PHLPP1: variants seen among roughly 807,000 people sequenced by gnomAD.
The protein encoded by PHLPP1 is PH domain and leucine rich repeat protein phosphatase 1, also known as PH domain leucine-rich repeat-containing protein phosphatase 1.
PHLPP1 carries 42 observed loss-of-function variants against 117.2 expected under a neutral mutation model. The ratio of observed to expected loss-of-function variants is 0.36; its 90% CI spans 0.28 to 0.46. The LOEUF (loss-of-function observed/expected upper bound fraction) is 0.46. Ranked by LOEUF, PHLPP1 falls within the 20% of genes least tolerant of loss-of-function variation. The pLI is 1.00. For synonymous variants in PHLPP1, 1,042 were observed against 970.7 expected, an observed-to-expected ratio of 1.07 and a Z score of -1.37; for missense variants, 2,084 against 2,241.9, an observed-to-expected ratio of 0.93 and a Z score of 1.42.
Position 62,941,816 on chromosome 18 carries a change from C to T in PHLPP1, c.3059C>T (p.Thr1020Ile), listed in dbSNP as rs74653132. Residue 1020 changes from threonine to isoleucine, a missense_variant, in exon 11 of 17, where the codon ACA becomes ATA. Transcript: ENST00000262719. ...AGTATCTTACAAGAGTTGTATTTGA[C>T]AAATAACAGCCTCACAGACAAATGT... ...TNSILQELYL[T>I]NNSLTDKCVP... The T allele has an allele frequency of 6.2e-7, 1 of 1,613,894 alleles. No individual in the cohort carries two copies. Among genetic ancestry groups the T allele is most frequent in the Admixed American group, 1.7e-5 (1 of 60,020 alleles).
At chr18:62,790,833 A>G (rs1298969374) in intron 1 of PHLPP1, among the ~76,000 whole-genome samples, 9 of 152,124 alleles carry the variant, frequency 5.9e-5, no homozygotes, top group Admixed American at 5.9e-4. Flanking sequence ...GATACAAGAG[A>G]TGCTATGATG....
intron 9 of PHLPP1, among the ~76,000 whole-genome samples, chr18:62,919,598 T>C (rs1198287493): frequency 2.6e-5 from 4 of 152,242 alleles, no homozygotes; most frequent in African/African-American, 7.2e-5. Context: ...GAATCTCTTA[T>C]GGGTAAAGCA....
chr18:62,778,308 A>G (rs967774048), intron 1 of PHLPP1, among the ~76,000 whole-genome samples: 2 of 152,234 alleles, frequency 1.3e-5, no homozygotes, highest in Non-Finnish European at 2.9e-5. Context: ...TGAAGGGCAG[A>G]CTGGGCAGCC....
chr18:62,868,942 A>G (rs1355026033), intron 4 of PHLPP1, among the ~76,000 whole-genome samples: 1 of 152,248 alleles, frequency 6.6e-6, no homozygotes, highest in Non-Finnish European at 1.5e-5. Flanking sequence ...TATTTTGAAT[A>G]TAAAAGTAAA....
chr18:62,975,364 G>T lies in PHLPP1; in HGVS notation c.3756-33G>T, dbSNP rs769169879. Reference sequence around the variant, plus strand: ...TGCAGAACTGGCACTGATGGGCTGTGTTTGAGTGTCACCCCCTCTCTTCGG... The same window carrying T: ...TGCAGAACTGGCACTGATGGGCTGTTTTTGAGTGTCACCCCCTCTCTTCGG... On this transcript the variant is annotated intron_variant, in intron 15 of 16. Coordinates refer to ENST00000262719, the MANE Select transcript of PHLPP1 (RefSeq NM_194449.4). 2.0e-6 allele frequency: 3 copies of T among 1,482,972 alleles called. No homozygotes were observed. The East Asian group carries it at 6.8e-5, about 33-fold the overall frequency. 91.9% of individuals were successfully genotyped at this position (1,482,972 alleles called of 1,614,324 possible).
intron 1 of PHLPP1, among the ~76,000 whole-genome samples, chr18:62,756,249 C>A (rs1912013524): frequency 6.6e-6 from 1 of 152,156 alleles, no homozygotes; most frequent in Non-Finnish European, 1.5e-5. Flanking sequence ...ATCCGGAATG[C>A]TGCTGGCTAC....
In PHLPP1 at chr18:62,839,826, A is replaced by G. The variant is rs1248165396; in HGVS notation, c.1899+917A>G. The G allele has an allele frequency of 3.4e-5, 5 of 149,208 alleles. No individual in the cohort carries two copies. In the East Asian group the frequency reaches 9.7e-4, roughly 29 times the overall value. 9.2% of individuals were successfully genotyped at this position (149,208 alleles called of 1,614,324 possible). A position where few individuals can be genotyped will look rare whatever the true frequency, so the allele number is the denominator to read the frequency against. On this transcript the variant is annotated intron_variant, in intron 3 of 16. Transcript: ENST00000262719. ...TCTAGTGCTTTTGTGTTTAATGTAA[A>G]CCAGAATCACATTATAAATAAGACA...
chr18:62,898,569 T>C (rs754799769), intron 6 of PHLPP1, among the ~76,000 whole-genome samples: 29 of 152,162 alleles, frequency 1.9e-4, no homozygotes, highest in Non-Finnish European at 3.5e-4. Context: ...CACTGGTATG[T>C]GAGTCATTTG....
intron 3 of PHLPP1, among the ~76,000 whole-genome samples, chr18:62,855,157 G>T (rs897066262): frequency 6.6e-6 from 1 of 152,188 alleles, no homozygotes. Context: ...CTATCACAAA[G>T]AAGGCACTAC....
chr18:62,931,210 A>ACAG (rs1453561534), intron 10 of PHLPP1, among the ~76,000 whole-genome samples: 1 of 151,314 alleles, frequency 6.6e-6, no homozygotes, highest in Admixed American at 6.6e-5. Context: ...AAAAAAAACA[A>ACAG]CAACAACAAC....
chr18:62,939,625 G>A (rs1055389388), intron 10 of PHLPP1, among the ~76,000 whole-genome samples: 37 of 141,874 alleles, frequency 2.6e-4, no homozygotes, highest in African/African-American at 8.7e-4. Context: ...CTGGATAGCC[G>A]TTCTCTAACT....
At chr18:62,889,067 A>G (rs1423885202) in intron 4 of PHLPP1, among the ~76,000 whole-genome samples, 2 of 152,174 alleles carry the variant, frequency 1.3e-5, no homozygotes, top group African/African-American at 2.4e-5. Flanking sequence ...GAAAAGTGGA[A>G]CTCTGAGAAG....
At chr18:62,802,131 C>T (rs1913804020) in intron 1 of PHLPP1, among the ~76,000 whole-genome samples, 2 of 152,148 alleles carry the variant, frequency 1.3e-5, no homozygotes, top group Non-Finnish European at 2.9e-5. Flanking sequence ...TATGAGGATA[C>T]GAGCTACCCC....
chr18:62,814,361 A>C (rs541007889), intron 1 of PHLPP1, among the ~76,000 whole-genome samples: 42 of 152,328 alleles, frequency 2.8e-4, no homozygotes, highest in African/African-American at 9.6e-4. Flanking sequence ...AGCTTCTTTT[A>C]GCTTCTTAGC....
chr18:62,856,644 G>A (rs1164617062), intron 3 of PHLPP1, among the ~76,000 whole-genome samples: 1 of 152,062 alleles, frequency 6.6e-6, no homozygotes, highest in African/African-American at 2.4e-5. Flanking sequence ...ATGTTGCCCA[G>A]GCTGATCTCG....
intron 4 of PHLPP1, among the ~76,000 whole-genome samples, chr18:62,876,291 C>T (rs548888798): frequency 6.6e-6 from 1 of 152,138 alleles, no homozygotes; most frequent in Non-Finnish European, 1.5e-5. Flanking sequence ...ACTCATCTTG[C>T]AAGAATGTGC....
At chr18:62,856,301 C>G (rs917749649) in intron 3 of PHLPP1, among the ~76,000 whole-genome samples, 1 of 152,156 alleles carries the variant, frequency 6.6e-6, no homozygotes, top group African/African-American at 2.4e-5. Flanking sequence ...AGAGTCCTTA[C>G]AAGGCCTGAG....
chr18:62,726,012 A>G (rs1316987324), intron 1 of PHLPP1, among the ~76,000 whole-genome samples: 2 of 152,140 alleles, frequency 1.3e-5, no homozygotes, highest in Non-Finnish European at 2.9e-5. Context: ...GGTGCAGCTG[A>G]CATTCAGTTT....
At chr18:62,717,897 A>T (rs1429471569) in intron 1 of PHLPP1, among the ~76,000 whole-genome samples, 1 of 151,538 alleles carries the variant, frequency 6.6e-6, no homozygotes, top group Non-Finnish European at 1.5e-5. Flanking sequence ...TGTCTTGCAT[A>T]AAAAAAAAGA....
Sources: allele counts gnomAD v4.1 joint callset (sites outside exome capture counted in the v4.1 genomes callset), GRCh38; gene constraint gnomAD v4.1.1; transcripts MANE v1.5; gene names NCBI Gene and HGNC (gene_info 2026-07-23, HGNC 2026-07-21).